The following CNTNAP2 variants were observed in gnomAD, a reference collection of about 807,000 sequenced individuals.
CNTNAP2 encodes contactin associated protein 2.
CNTNAP2 carries 98 observed loss-of-function variants against 155.2 expected under a neutral mutation model. The observed-to-expected ratio is 0.63, with a 90% CI of 0.54 to 0.75. CNTNAP2 has a LOEUF of 0.75. CNTNAP2 is among the 30% of genes least tolerant of loss of function. The probability of loss-of-function intolerance (pLI) is 0.00; values close to 1 mark genes in which losing one functional copy is unlikely to be tolerated. For synonymous variants in CNTNAP2, 651 were observed against 631.2 expected (o/e 1.03, Z -0.47); for missense variants, 1,727 against 1,688.1 (o/e 1.02, Z -0.40).
At chr7:146,463,198 T>G (rs543921776) in intron 1 of CNTNAP2, among the ~76,000 whole-genome samples, 1 of 152,168 alleles carries the variant, frequency 6.6e-6, no homozygotes, top group African/African-American at 2.4e-5. Flanking sequence ...AACTGTTATC[T>G]TGCTCAATTC....
chr7:146,740,653 T>C (rs958432645), intron 1 of CNTNAP2, among the ~76,000 whole-genome samples: 2 of 152,180 alleles, frequency 1.3e-5, no homozygotes, highest in Non-Finnish European at 2.9e-5. Flanking sequence ...TGTTGACCAG[T>C]GTAGCACTGC....
chr7:147,491,332 G>A (rs1439181494), intron 11 of CNTNAP2, among the ~76,000 whole-genome samples: 2 of 151,882 alleles, frequency 1.3e-5, no homozygotes, highest in South Asian at 2.1e-4. Context: ...CCCCACCACA[G>A]GACATTTGCA....
At chr7:148,274,241 A>G (rs528272321) in intron 21 of CNTNAP2, among the ~76,000 whole-genome samples, 1 of 151,792 alleles carries the variant, frequency 6.6e-6, no homozygotes, top group Non-Finnish European at 1.5e-5. Flanking sequence ...AACATATAGC[A>G]TGAGATAAAA....
chr7:146,591,612 C>A (rs183934272), intron 1 of CNTNAP2, among the ~76,000 whole-genome samples: 22 of 152,292 alleles, frequency 1.4e-4, no homozygotes, highest in African/African-American at 4.6e-4. Flanking sequence ...AGAAACCCTG[C>A]ATCCATTGTC....
At chr7:147,833,131 T>G (rs578004663) in intron 13 of CNTNAP2, among the ~76,000 whole-genome samples, 1 of 151,452 alleles carries the variant, frequency 6.6e-6, no homozygotes, top group South Asian at 2.1e-4. Flanking sequence ...TCTTAGGTTT[T>G]TTTTTTTTTT....
At chr7:147,523,422 G>C (rs1035699324) in intron 11 of CNTNAP2, among the ~76,000 whole-genome samples, 8 of 152,190 alleles carry the variant, frequency 5.3e-5, no homozygotes, top group African/African-American at 1.2e-4. Context: ...TTGGAAGCAA[G>C]TCACTAGGTC....
intron 21 of CNTNAP2, among the ~76,000 whole-genome samples, chr7:148,352,195 AT>A (rs1798439859): frequency 6.6e-6 from 1 of 152,146 alleles, no homozygotes; most frequent in Non-Finnish European, 1.5e-5. Flanking sequence ...GGTCTGATTT[AT>A]GTTTTTACAA....
chr7:146,688,269 G>C (rs938203749), intron 1 of CNTNAP2, among the ~76,000 whole-genome samples: 4 of 152,054 alleles, frequency 2.6e-5, no homozygotes, highest in Admixed American at 6.6e-5. Context: ...ATAATCATAA[G>C]AACTGTTCTA....
chr7:147,785,270 A>G (rs1462677848), intron 13 of CNTNAP2, among the ~76,000 whole-genome samples: 1 of 152,172 alleles, frequency 6.6e-6, no homozygotes, highest in Non-Finnish European at 1.5e-5. Flanking sequence ...TCTAGCTTCT[A>G]GGCAGAATAA....
chr7:147,923,801 G>A (rs1800329626), intron 14 of CNTNAP2, among the ~76,000 whole-genome samples: 1 of 152,060 alleles, frequency 6.6e-6, no homozygotes, highest in Non-Finnish European at 1.5e-5. Flanking sequence ...AAAATACTGG[G>A]ATTACAGGTA....
intron 1 of CNTNAP2, among the ~76,000 whole-genome samples, chr7:146,637,418 T>G (rs1799617452): frequency 6.6e-6 from 1 of 152,206 alleles, no homozygotes; most frequent in African/African-American, 2.4e-5. Context: ...CTTGCTTTGC[T>G]TTTTTCATTC....
At chr7:146,582,692 T>C (rs1798629440) in intron 1 of CNTNAP2, among the ~76,000 whole-genome samples, 2 of 152,058 alleles carry the variant, frequency 1.3e-5, no homozygotes, top group Admixed American at 6.6e-5. Context: ...ACCCAAGCAA[T>C]GCAGAGACCA....
chr7:146,755,720 A>G (rs547546217), intron 1 of CNTNAP2, among the ~76,000 whole-genome samples: 1 of 152,120 alleles, frequency 6.6e-6, no homozygotes, highest in South Asian at 2.1e-4. Context: ...CAGAAAGTGC[A>G]TCAAGAAAAT....
chr7:148,382,842 T>C (rs1799096967), intron 21 of CNTNAP2, among the ~76,000 whole-genome samples: 1 of 152,246 alleles, frequency 6.6e-6, no homozygotes, highest in South Asian at 2.1e-4. Context: ...TTAAGGACTC[T>C]TTCAACATTT....
At chr7:147,556,311 A>G (rs1010191095) in intron 11 of CNTNAP2, among the ~76,000 whole-genome samples, 6 of 152,078 alleles carry the variant, frequency 3.9e-5, no homozygotes, top group African/African-American at 1.2e-4. Flanking sequence ...TATTATTTCC[A>G]TACATTATTT....
At chr7:146,440,389 CACG>C (rs1796302866) in intron 1 of CNTNAP2, among the ~76,000 whole-genome samples, 1 of 151,394 alleles carries the variant, frequency 6.6e-6, no homozygotes, top group Non-Finnish European at 1.5e-5. Flanking sequence ...GAAACTAGAT[CACG>C]TATTTCTTTT....
At chr7:146,520,560 A>G (rs561382106) in intron 1 of CNTNAP2, among the ~76,000 whole-genome samples, 1 of 151,746 alleles carries the variant, frequency 6.6e-6, no homozygotes, top group South Asian at 2.1e-4. Flanking sequence ...ATACTGAACA[A>G]TTTCTATAAT....
At chr7:146,206,471 A>T (rs533541286) in intron 1 of CNTNAP2, among the ~76,000 whole-genome samples, 47 of 152,044 alleles carry the variant, frequency 3.1e-4, no homozygotes, top group African/African-American at 1.0e-3. Context: ...ATCAAACTGA[A>T]GAAAGTAAAA....
At chr7:147,060,876 G>C (rs1183964430) in intron 4 of CNTNAP2, among the ~76,000 whole-genome samples, 1 of 122,782 alleles carries the variant, frequency 8.1e-6, no homozygotes, top group Non-Finnish European at 1.7e-5. Context: ...AAAAAAAATA[G>C]AAAAAGAAAA....
Sources: gnomAD v4.1 joint callset for allele counts (sites outside exome capture counted in the v4.1 genomes callset) on GRCh38, gnomAD v4.1.1 for gene constraint, MANE v1.5 for transcripts, NCBI Gene and HGNC (gene_info 2026-07-23, HGNC 2026-07-21) for gene names.